Variants in PTGER3 observed in about 807,000 individuals in gnomAD.
PTGER3 encodes the protein prostaglandin E receptor 3.
PTGER3 carries 22 observed loss-of-function variants against 34.7 expected under a neutral mutation model. The ratio of observed to expected loss-of-function variants is 0.63; its 90% CI spans 0.45 to 0.91. The LOEUF (loss-of-function observed/expected upper bound fraction) is 0.91. PTGER3 is among the 40% of genes least tolerant of loss of function. The probability of loss-of-function intolerance (pLI) is 0.00; values close to 1 mark genes in which losing one functional copy is unlikely to be tolerated. For synonymous variants in PTGER3, 241 were observed against 230.1 expected (o/e 1.05, Z -0.43); for missense variants, 468 against 519.4 (o/e 0.90, Z 0.96).
chr1:70,857,779 C>T (rs1645842014), intron 4 of PTGER3, among the ~76,000 whole-genome samples: 1 of 152,056 alleles, frequency 6.6e-6, no homozygotes, highest in Admixed American at 6.6e-5. Flanking sequence ...TGTGATCCAC[C>T]CACCTCAGCC....
intron 4 of PTGER3, chr1:70,869,457 AC>A (rs1646117706): frequency 6.6e-6 from 2 of 301,002 alleles, no homozygotes; most frequent in African/African-American, 4.4e-5. Flanking sequence ...TCTCAATAGT[AC>A]CCCCAAATCT....
intron 1 of PTGER3, among the ~76,000 whole-genome samples, chr1:71,044,323 G>A (rs889033002): frequency 1.5e-4 from 23 of 151,020 alleles, no homozygotes; most frequent in Non-Finnish European, 2.8e-4. Flanking sequence ...TGTAATCCTA[G>A]TGACTCCAAA....
intron 4 of PTGER3, among the ~76,000 whole-genome samples, chr1:70,930,691 C>T (rs1398910253): frequency 6.6e-6 from 1 of 152,158 alleles, no homozygotes; most frequent in Non-Finnish European, 1.5e-5. Flanking sequence ...ATAAACCCAT[C>T]AGATCTCATG....
At chr1:71,001,328 A>G (rs1284874795) in intron 2 of PTGER3, among the ~76,000 whole-genome samples, 1 of 152,198 alleles carries the variant, frequency 6.6e-6, no homozygotes, top group Non-Finnish European at 1.5e-5. Context: ...TTAGCCACAA[A>G]TAAATGAATA....
intron 4 of PTGER3, among the ~76,000 whole-genome samples, chr1:70,906,319 G>T (rs2100364625): frequency 6.6e-6 from 1 of 152,302 alleles, no homozygotes; most frequent in South Asian, 2.1e-4. Flanking sequence ...TGAGAGTAAA[G>T]GGAAATGGTG....
rs746570362 is a variant in PTGER3 at position 71,046,888 on chromosome 1, G to A, written c.690C>T (p.Phe230=). The change falls in exon 1 of 4, where the codon TTC becomes TTT. Residue 230 remains phenylalanine (F), a synonymous_variant. Coordinates refer to ENST00000306666, the MANE Select transcript of PTGER3 (RefSeq NM_198719.2). ...SSSHNWGNLF[F]ASAFAFLGLL... ...GCCCCAGGAAGGCAAAGGCAGAGGCGAAGAAAAGGTTGCCCCAGTTATGCG... is the reference window on the plus strand; with the variant it reads ...GCCCCAGGAAGGCAAAGGCAGAGGCAAAGAAAAGGTTGCCCCAGTTATGCG... The A allele has an allele frequency of 5.6e-6, 9 of 1,613,170 alleles. No homozygotes were observed. The highest frequency in any genetic ancestry group is 4.4e-5 in the South Asian group (4 of 90,918).
intron 4 of PTGER3, among the ~76,000 whole-genome samples, chr1:70,878,262 G>A (rs1226928994): frequency 6.6e-6 from 1 of 152,048 alleles, no homozygotes; most frequent in Non-Finnish European, 1.5e-5. Flanking sequence ...TATGCATAGA[G>A]GTGTTCATCA....
chr1:71,039,243 A>G (rs1660079478), intron 1 of PTGER3, among the ~76,000 whole-genome samples: 1 of 152,124 alleles, frequency 6.6e-6, no homozygotes, highest in Admixed American at 6.5e-5. Flanking sequence ...GGAAAGGGGA[A>G]ATGGGATCAG....
Position 71,047,783 on chromosome 1 carries a change from G to A in PTGER3, c.-206C>T. 2 of 427,082 alleles carry A rather than the reference G, an allele frequency of 4.7e-6. No individual in the cohort carries two copies. The highest frequency in any genetic ancestry group is 7.6e-6 in the Non-Finnish European group (2 of 263,652). 26.5% of individuals were successfully genotyped at this position (427,082 alleles called of 1,614,324 possible). A position where few individuals can be genotyped will look rare whatever the true frequency, so the allele number is the denominator to read the frequency against. On this transcript the variant is annotated 5_prime_UTR_variant, in exon 1 of 4. Coordinates refer to ENST00000306666, the MANE Select transcript of PTGER3 (RefSeq NM_198719.2). ...GCTCACTGGCCCGGGAGGGAGCCACGCCTTCCTCTCTGGGAAACCTCTGGT... is the reference window on the plus strand; with the variant it reads ...GCTCACTGGCCCGGGAGGGAGCCACACCTTCCTCTCTGGGAAACCTCTGGT...
chr1:70,970,964 C>G lies in PTGER3; in HGVS notation c.*766G>C, dbSNP rs556258370. On this transcript the variant is annotated 3_prime_UTR_variant, in exon 4 of 4. Coordinates refer to ENST00000306666, the MANE Select transcript of PTGER3 (RefSeq NM_198719.2). The stretch of plus-strand genomic sequence containing the variant: ...GGTCATGGTGAATCAGAAGGCCTAC[C>G]TGGATTTTTTTATCACTCTAACTGC... 123 of 985,330 alleles carry G rather than the reference C, an allele frequency of 1.2e-4. 1 individual carries two copies. In the South Asian group the frequency reaches 4.9e-3, roughly 40 times the overall value. 61.0% of individuals were successfully genotyped at this position (985,330 alleles called of 1,614,324 possible). A position where few individuals can be genotyped will look rare whatever the true frequency, so the allele number is the denominator to read the frequency against.
At chr1:70,857,213 G>A (rs940674692) in intron 4 of PTGER3, among the ~76,000 whole-genome samples, 1 of 152,170 alleles carries the variant, frequency 6.6e-6, no homozygotes, top group Non-Finnish European at 1.5e-5. Flanking sequence ...TTGTTTTAAT[G>A]TATGTGGCTT....
chr1:71,036,218 G>A (rs1055669134), intron 1 of PTGER3, among the ~76,000 whole-genome samples: 1 of 152,062 alleles, frequency 6.6e-6, no homozygotes, highest in Non-Finnish European at 1.5e-5. Context: ...GTGCTTAAGG[G>A]GCCCAGGGAC....
chr1:70,961,086 A>T (rs535651960), intron 2 of PTGER3, among the ~76,000 whole-genome samples: 4 of 152,242 alleles, frequency 2.6e-5, no homozygotes, highest in Admixed American at 2.6e-4. Flanking sequence ...TGGGGGCAAT[A>T]CTTTAAGAAC....
chr1:71,031,657 T>G (rs1462924408), intron 1 of PTGER3, among the ~76,000 whole-genome samples: 1 of 152,214 alleles, frequency 6.6e-6, no homozygotes, highest in East Asian at 1.9e-4. Context: ...ACTTTGGCTG[T>G]GCAGCCTGAA....
chr1:70,892,857 A>C (rs1290047762), intron 4 of PTGER3, among the ~76,000 whole-genome samples: 1 of 150,230 alleles, frequency 6.7e-6, no homozygotes, highest in Non-Finnish European at 1.5e-5. Context: ...AAAAAAAAAG[A>C]AAGAAAAAAA....
chr1:71,032,242 T>C (rs1235255912), intron 1 of PTGER3, among the ~76,000 whole-genome samples: 1 of 152,218 alleles, frequency 6.6e-6, no homozygotes, highest in East Asian at 1.9e-4. Flanking sequence ...CCTCTCATTA[T>C]ACTCTTACTT....
chr1:71,012,028 T>G, intron 2 of PTGER3: 1 of 1,413,556 alleles, frequency 7.1e-7, no homozygotes, highest in Middle Eastern at 2.6e-4. Flanking sequence ...TAATATATTT[T>G]CCTTTGTTTG....
chr1:70,853,704 C>T (rs367953339), intron 4 of PTGER3, among the ~76,000 whole-genome samples: 19 of 152,112 alleles, frequency 1.2e-4, no homozygotes, highest in East Asian at 9.7e-4. Context: ...AAAGAAAAAA[C>T]GTGTTTTAAA....
At chr1:70,953,064 C>T (rs183310532) in intron 3 of PTGER3, 2 of 1,568,294 alleles carry the variant, frequency 1.3e-6, no homozygotes, top group Admixed American at 1.9e-5. Context: ...GATTAACTAA[C>T]CACAGATCAA....
Sources: gnomAD v4.1 joint callset for allele counts (sites outside exome capture counted in the v4.1 genomes callset) on GRCh38, gnomAD v4.1.1 for gene constraint, MANE v1.5 for transcripts, NCBI Gene and HGNC (gene_info 2026-07-23, HGNC 2026-07-21) for gene names.